The following EFR3B variants were observed in gnomAD, a reference collection of about 807,000 sequenced individuals.
The protein encoded by EFR3B is EFR3 homolog B, also known as protein EFR3 homolog B.
A neutral mutation model predicts 104.7 loss-of-function variants in EFR3B; 64 were observed. That is an observed-to-expected ratio of 0.61 (90% CI 0.50 to 0.75). The LOEUF is 0.75. Ranked by LOEUF, EFR3B falls within the 30% of genes least tolerant of loss-of-function variation. EFR3B has a pLI of 0.00. For synonymous variants in EFR3B, 385 were observed against 417.9 expected (o/e 0.92, Z 0.96); for missense variants, 750 against 1,078.5 (o/e 0.70, Z 4.27).
rs978552046 is a variant in EFR3B at position 25,141,452 on chromosome 2, A to C, written c.1922+19A>C. The C allele has an allele frequency of 1.9e-6, 3 of 1,550,124 alleles. No individual in the cohort carries two copies. The highest frequency in any genetic ancestry group is 3.9e-5 in the Admixed American group (2 of 50,856). On this transcript the variant is annotated intron_variant, in intron 17 of 22. Coordinates refer to ENST00000403714, the MANE Select transcript of EFR3B (RefSeq NM_014971.2). ...GGCCCAGGTGAGGAGAGGACGGGGG[A>C]CGTGGTCAGGGATCCCCAGGGCAGC...
intron 4 of EFR3B, among the ~76,000 whole-genome samples, chr2:25,113,555 C>A (rs1313431831): frequency 1.3e-5 from 2 of 151,788 alleles, no homozygotes; most frequent in Non-Finnish European, 2.9e-5. Context: ...GTAGTGCCAG[C>A]TACTCGGGAG....
At chr2:25,080,283 CTTTTTTT>C (rs563438610) in intron 1 of EFR3B, 121 of 154,878 alleles carry the variant, frequency 7.8e-4, no homozygotes, top group African/African-American at 3.0e-3. Context: ...CTCCCCAAAG[CTTTTTTT>C]TTTTTTTTTT....
rs1233143236 is a variant in EFR3B, at chr2:25,154,167, G to T, written c.2349-68G>T. The T allele has an allele frequency of 1.4e-6, 2 of 1,432,484 alleles. No homozygotes were observed. The highest frequency in any genetic ancestry group is 2.0e-5 in the Admixed American group (1 of 49,624). The allele number at this position is 1,432,484 out of a possible 1,614,324, so 88.7% of individuals were successfully genotyped here. On this transcript the variant is annotated intron_variant, in intron 22 of 22. Transcript: ENST00000403714. This position sits in a 1 kb window ranked among gnomAD's most constrained non-coding sequence, Gnocchi z 4.1. Reference sequence around the variant, plus strand: ...AAACCCAAGTCACCTACTCTGTTTGGTTGCACAAGGGTGGGATCCTAAAAT... The same window carrying T: ...AAACCCAAGTCACCTACTCTGTTTGTTTGCACAAGGGTGGGATCCTAAAAT...
intron 1 of EFR3B, among the ~76,000 whole-genome samples, chr2:25,072,629 C>G (rs1668529402): frequency 1.3e-5 from 2 of 152,168 alleles, no homozygotes; most frequent in South Asian, 4.1e-4. Context: ...TAGATGGTCT[C>G]CCTTCTTCTT....
chr2:25,083,425 A>G (rs1256208590), intron 1 of EFR3B, among the ~76,000 whole-genome samples: 2 of 152,246 alleles, frequency 1.3e-5, no homozygotes, highest in African/African-American at 2.4e-5. Flanking sequence ...TGGAAGAAAT[A>G]TATAAAAACA....
Position 25,136,496 on chromosome 2 carries a change from A to G in EFR3B, c.1485-27A>G. ...CTCAGGCTGGCCTCATGCAAGGGCT[A>G]AGGAGGCCCTTTGCATCCCTTCCCA... On this transcript the variant is annotated intron_variant, in intron 13 of 22. Coordinates refer to ENST00000403714, the MANE Select transcript of EFR3B (RefSeq NM_014971.2). The surrounding 1 kb of genome is among the most constrained non-coding windows in gnomAD (Gnocchi z 4.0). The G allele has an allele frequency of 1.9e-6, 3 of 1,540,392 alleles. No homozygotes were observed. The highest frequency in any genetic ancestry group is 2.6e-6 in the Non-Finnish European group (3 of 1,137,072).
chr2:25,144,542 TA>T lies in EFR3B; in HGVS notation c.2051-408del, dbSNP rs60720578. Among the ~76,000 whole-genome samples, 513 of 146,222 alleles carry T rather than the reference TA, an allele frequency of 3.5e-3. 3 individuals are homozygous for T. Among genetic ancestry groups the T allele is most frequent in the East Asian group, 0.02 (101 of 5,042 alleles). On this transcript the variant is annotated intron_variant, in intron 18 of 22. Coordinates refer to ENST00000403714, the MANE Select transcript of EFR3B (RefSeq NM_014971.2). Reference sequence around the variant, plus strand: ...CTGGGCGACAGAGCAAGACTCCGTCTAAAAAAAAAACAAAAAAACAAAAACA... The same window carrying T: ...CTGGGCGACAGAGCAAGACTCCGTCTAAAAAAAAACAAAAAAACAAAAACA...
intron 6 of EFR3B, among the ~76,000 whole-genome samples, chr2:25,129,727 G>A (rs1001753558): frequency 1.3e-5 from 2 of 152,108 alleles, no homozygotes; most frequent in African/African-American, 4.8e-5. Flanking sequence ...GGTACATCTG[G>A]AAATCTTTAA....
intron 1 of EFR3B, among the ~76,000 whole-genome samples, chr2:25,057,649 G>A (rs1668060168): frequency 6.6e-6 from 1 of 152,138 alleles, no homozygotes; most frequent in South Asian, 2.1e-4. Flanking sequence ...GGGCACGGTG[G>A]CACATGCCTG....
At chr2:25,062,557 T>C (rs996164078) in intron 1 of EFR3B, among the ~76,000 whole-genome samples, 1 of 152,238 alleles carries the variant, frequency 6.6e-6, no homozygotes, top group Non-Finnish European at 1.5e-5. Flanking sequence ...CAAGGGCCTG[T>C]GCCAGCCCGC....
At chr2:25,081,086 C>T (rs1237397622) in intron 1 of EFR3B, 2 of 708,356 alleles carry the variant, frequency 2.8e-6, no homozygotes, top group East Asian at 2.5e-5. Flanking sequence ...ATGACCTCTC[C>T]ATCCCTATTG....
intron 2 of EFR3B, 136 bp from the exon 3 acceptor site, chr2:25,092,867 A>C: frequency 1.4e-5 from 16 of 1,120,850 alleles, no homozygotes; most frequent in Non-Finnish European, 1.8e-5. Flanking sequence ...CTGTCTCTGA[A>C]ACCCACATGT....
chr2:25,158,445 C>T lies in EFR3B; in HGVS notation c.*4105C>T, dbSNP rs1672287379. 6.6e-6 allele frequency: 1 copy of T among 152,264 alleles called. No homozygotes were observed. The highest frequency in any genetic ancestry group is 1.9e-4 in the East Asian group (1 of 5,200). The allele number at this position is 152,264 out of a possible 1,614,324, so 9.4% of individuals were successfully genotyped here. A position where few individuals can be genotyped will look rare whatever the true frequency, so the allele number is the denominator to read the frequency against. ...ACACCTGGGGAAAGGTTTAGGGCAA[C>T]ATGTTGCCTCTTCATCCCATTAACC... On this transcript the variant is annotated 3_prime_UTR_variant, in exon 23 of 23. Transcript: ENST00000403714.
At chr2:25,095,967 G>A (rs1669264797) in intron 3 of EFR3B, among the ~76,000 whole-genome samples, 1 of 152,106 alleles carries the variant, frequency 6.6e-6, no homozygotes, top group Non-Finnish European at 1.5e-5. Context: ...GGAGCTGAGG[G>A]TTGGGTGGAT....
At chr2:25,150,418 A>G (rs2149214348) in intron 20 of EFR3B, among the ~76,000 whole-genome samples, 1 of 152,228 alleles carries the variant, frequency 6.6e-6, no homozygotes, top group Non-Finnish European at 1.5e-5. Context: ...CCAATGGAAG[A>G]TATTAATAAC....
chr2:25,140,303 T>C (rs1670628246), intron 16 of EFR3B, among the ~76,000 whole-genome samples: 1 of 151,906 alleles, frequency 6.6e-6, no homozygotes, highest in Non-Finnish European at 1.5e-5. Context: ...CAAGACTCTG[T>C]CTCAAAAATA....
intron 1 of EFR3B, among the ~76,000 whole-genome samples, chr2:25,085,583 G>T (rs1168683027): frequency 6.6e-6 from 1 of 152,032 alleles, no homozygotes; most frequent in African/African-American, 2.4e-5. Context: ...TCCTGCCTCA[G>T]TCTCCCAAGT....
intron 1 of EFR3B, among the ~76,000 whole-genome samples, chr2:25,060,504 C>G (rs1374651348): frequency 6.6e-6 from 1 of 151,982 alleles, no homozygotes; most frequent in Non-Finnish European, 1.5e-5. Flanking sequence ...AAGAGAATGT[C>G]TGCTACTGTG....
At chr2:25,133,079 C>G (rs778299177) in intron 11 of EFR3B, 65 bp downstream of exon 11, 22 of 1,401,788 alleles carry the variant, frequency 1.6e-5, no homozygotes, top group Admixed American at 6.0e-5. Context: ...CTGACCCCCT[C>G]CTTTATCCCT....
Sources: allele counts gnomAD v4.1 joint callset (sites outside exome capture counted in the v4.1 genomes callset), GRCh38; gene constraint gnomAD v4.1.1; non-coding constraint Gnocchi (gnomAD v3.1); transcripts MANE v1.5; gene names NCBI Gene and HGNC (gene_info 2026-07-23, HGNC 2026-07-21).